Variants in STK39 observed in about 807,000 individuals in gnomAD.
STK39 encodes STE20/SPS1-related proline-alanine-rich protein kinase.
In STK39, 20 loss-of-function variants were observed where a neutral mutation model predicts 77.8. The ratio of observed to expected loss-of-function variants is 0.26; its 90% CI spans 0.18 to 0.37. The LOEUF (loss-of-function observed/expected upper bound fraction) is 0.37, where lower values mean the gene tolerates loss of function less well. Among genes scored for constraint, STK39 ranks in the 10% least tolerant of loss-of-function variants. The pLI is 1.00. For missense variants in STK39, 479 were observed against 656.5 expected, an observed-to-expected ratio of 0.73 and a Z score of 2.95; for synonymous variants, 246 against 234.1, an observed-to-expected ratio of 1.05 and a Z score of -0.47.
At chr2:168,096,351 A>G (rs1285530574) in intron 10 of STK39, among the ~76,000 whole-genome samples, 1 of 152,212 alleles carries the variant, frequency 6.6e-6, no homozygotes, top group Non-Finnish European at 1.5e-5. Flanking sequence ...GCTAGTCATC[A>G]TGACTTAACC....
At chr2:168,057,560 G>A (rs574487404) in intron 14 of STK39, among the ~76,000 whole-genome samples, 4 of 151,734 alleles carry the variant, frequency 2.6e-5, no homozygotes, top group East Asian at 3.9e-4. Flanking sequence ...ACACACACAC[G>A]CATGCACGCG....
intron 14 of STK39, among the ~76,000 whole-genome samples, chr2:168,055,298 A>G (rs776801832): frequency 6.6e-6 from 1 of 152,250 alleles, no homozygotes; most frequent in Non-Finnish European, 1.5e-5. Flanking sequence ...ATGCTAAAAC[A>G]ATGGCCAACA....
Position 168,127,954 on chromosome 2 carries a change from G to A in STK39, c.1089+1587C>T, listed in dbSNP as rs551802541. On this transcript the variant is annotated intron_variant, in intron 10 of 17. Transcript: ENST00000355999. Reference sequence around the variant, plus strand: ...AGGAGGGCTCACATATAGTCCCAGGGTTCTGAGGCTGGGGGGCTCGGAAAG... The same window carrying A: ...AGGAGGGCTCACATATAGTCCCAGGATTCTGAGGCTGGGGGGCTCGGAAAG... Among the ~76,000 whole-genome samples the A allele has an allele frequency of 3.3e-5, 5 of 152,216 alleles. No homozygotes were observed. In the South Asian group the frequency reaches 1.0e-3, roughly 32 times the overall value.
intron 10 of STK39, among the ~76,000 whole-genome samples, chr2:168,105,176 T>C (rs919966974): frequency 1.3e-5 from 2 of 152,196 alleles, no homozygotes; most frequent in African/African-American, 4.8e-5. Context: ...AAAGCACTTC[T>C]TTTTTTATAA....
chr2:168,163,656 G>A (rs2292785), intron 4 of STK39, 83 bp downstream of exon 4: 228,325 of 1,421,492 alleles, frequency 0.16, 34,166 homozygotes, highest in East Asian at 0.51. Context: ...GAATCTGACC[G>A]TTTCTGTGTA....
chr2:168,061,969 G>A (rs912719585), intron 14 of STK39, among the ~76,000 whole-genome samples: 7 of 152,082 alleles, frequency 4.6e-5, no homozygotes, highest in Non-Finnish European at 1.0e-4. Context: ...CAGAAAAGTC[G>A]GTTTAATCTT....
Position 168,247,294 on chromosome 2 carries a change from C to G in STK39, c.142G>C (p.Ala48Pro), listed in dbSNP as rs906192180. The G allele has an allele frequency of 2.6e-4, 269 of 1,029,882 alleles. 1 individual carries two copies. Among genetic ancestry groups the G allele is most frequent in the Non-Finnish European group, 3.1e-4 (265 of 856,474 alleles). 63.8% of individuals were successfully genotyped at this position (1,029,882 alleles called of 1,614,324 possible). ...CAGCCGACAGCCTGTGCCGCCGGGG[C>G]CGGGGCCGGGGCCGGGGCCGCGGGA... Reference protein sequence around the residue: ...AAPAAPAPAPAPAAQAVGWPI... With the variant: ...AAPAAPAPAPPPAAQAVGWPI... The change falls in exon 1 of 18, where the codon GCC becomes CCC. Residue 48 changes from alanine (A) to proline (P), a missense_variant. By Grantham distance (27) the Ala-to-Pro change is conservative. Around this residue, in one of 3 missense-constraint regions of STK39, gnomAD observed 96 missense variants for 79.1 expected, o/e 1.21. Coordinates refer to ENST00000355999, the MANE Select transcript of STK39 (RefSeq NM_013233.3).
At chr2:168,005,585 G>A (rs1214968107) in intron 16 of STK39, among the ~76,000 whole-genome samples, 1 of 152,108 alleles carries the variant, frequency 6.6e-6, no homozygotes, top group Non-Finnish European at 1.5e-5. Flanking sequence ...GCCTATGTGT[G>A]TCAACAATGG....
At chr2:168,048,625 A>G (rs1224390425) in intron 14 of STK39, among the ~76,000 whole-genome samples, 2 of 152,166 alleles carry the variant, frequency 1.3e-5, no homozygotes, top group African/African-American at 4.8e-5. Flanking sequence ...GGGACAGTAC[A>G]GGACCTGGGT....
At position 168,247,571 on chromosome 2, in the gene STK39, G is replaced by T; in HGVS notation, c.-136C>A. The T allele has an allele frequency of 1.4e-6, 1 of 707,546 alleles. No homozygotes were observed. The highest frequency in any genetic ancestry group is 1.8e-6 in the Non-Finnish European group (1 of 549,256). 43.8% of individuals were successfully genotyped at this position (707,546 alleles called of 1,614,324 possible). A position where few individuals can be genotyped will look rare whatever the true frequency, so the allele number is the denominator to read the frequency against. On this transcript the variant is annotated 5_prime_UTR_variant, in exon 1 of 18. Transcript: ENST00000355999. ...CGCCGCCGCCGCCGCCGTCCCCGCC[G>T]AAGCCAGCTAGGAGGGGAGGGAGCA...
chr2:168,186,775 T>A (rs72876934), intron 1 of STK39, among the ~76,000 whole-genome samples: 1,858 of 152,306 alleles, frequency 0.012, 20 homozygotes, highest in Middle Eastern at 0.034. Context: ...AGGTAAACTA[T>A]ATCTACTGTT....
At chr2:168,000,006 G>A (rs746531268) in intron 16 of STK39, among the ~76,000 whole-genome samples, 4 of 152,208 alleles carry the variant, frequency 2.6e-5, no homozygotes, top group Non-Finnish European at 5.9e-5. Context: ...CAGGGAGCTA[G>A]TGAGACCACC....
chr2:168,018,529 AAAAGAAAGAAAAGAAAG>A (rs1262415975), intron 14 of STK39, among the ~76,000 whole-genome samples: 62 of 80,774 alleles, frequency 7.7e-4, no homozygotes, highest in African/African-American at 3.4e-3. Context: ...GAAAAGAAAG[AAAAGAAAGAAAAGAAAG>A]AAAGAAAGAA....
chr2:168,065,330 G>A lies in STK39; in HGVS notation c.1294C>T (p.His432Tyr). 3.7e-5 allele frequency: 60 copies of A among 1,614,058 alleles called. No individual in the cohort carries two copies. Among genetic ancestry groups the A allele is most frequent in the Non-Finnish European group, 5.0e-5 (59 of 1,179,938 alleles). ...GCAGAGAAACATACCTGAGAGTCGTGCACAGAGAGGGACTGTATTTGTTCG... is the reference window on the plus strand; with the variant it reads ...GCAGAGAAACATACCTGAGAGTCGTACACAGAGAGGGACTGTATTTGTTCG... ...IPEQIQSLSV[H>Y]DSQGPPNANE... is the part of the protein sequence containing the mutation. The change falls in exon 13 of 18, where the codon CAC becomes TAC. Residue 432 changes from histidine to tyrosine, a missense_variant. Physicochemically the swap from His to Tyr is moderately conservative, Grantham distance 83. Around this residue, in one of 3 missense-constraint regions of STK39, gnomAD observed 244 missense variants for 296.8 expected, o/e 0.82. Coordinates refer to ENST00000355999, the MANE Select transcript of STK39 (RefSeq NM_013233.3).
intron 2 of STK39, among the ~76,000 whole-genome samples, chr2:168,167,784 C>T (rs1346955813): frequency 1.3e-5 from 2 of 152,180 alleles, no homozygotes; most frequent in Non-Finnish European, 2.9e-5. Context: ...GTTACTAGGA[C>T]ACCTGCATCC....
chr2:168,031,840 C>T (rs1684840259), intron 14 of STK39, among the ~76,000 whole-genome samples: 1 of 152,158 alleles, frequency 6.6e-6, no homozygotes, highest in African/African-American at 2.4e-5. Flanking sequence ...TAAGGCAGCC[C>T]TAGCAAACTA....
At chr2:168,201,283 T>C (rs139849546) in intron 1 of STK39, among the ~76,000 whole-genome samples, 3 of 152,340 alleles carry the variant, frequency 2.0e-5, no homozygotes, top group South Asian at 2.1e-4. Flanking sequence ...GGCCAAACCA[T>C]AGCTGGCAGT....
intron 14 of STK39, among the ~76,000 whole-genome samples, chr2:168,020,916 C>T (rs1684553897): frequency 6.6e-6 from 1 of 152,106 alleles, no homozygotes; most frequent in Non-Finnish European, 1.5e-5. Flanking sequence ...TGCATGTTCT[C>T]ATAAAACAAT....
At chr2:168,074,801 T>C (rs980215822) in intron 12 of STK39, among the ~76,000 whole-genome samples, 181 bp downstream of exon 12, 1 of 152,154 alleles carries the variant, frequency 6.6e-6, no homozygotes, top group African/African-American at 2.4e-5. Context: ...GCAAAGTAAT[T>C]TGCCCCGATT....
Sources: allele counts gnomAD v4.1 joint callset (sites outside exome capture counted in the v4.1 genomes callset), GRCh38; gene constraint gnomAD v4.1.1; regional missense constraint gnomAD v4.1.1; transcripts MANE v1.5; gene names NCBI Gene and HGNC (gene_info 2026-07-23, HGNC 2026-07-21).